CDH4: variants seen among roughly 807,000 people sequenced by gnomAD.
CDH4 encodes cadherin 4, also known as cadherin-4.
CDH4 carries 33 observed loss-of-function variants against 86.0 expected under a neutral mutation model. The ratio of observed to expected loss-of-function variants is 0.38; its 90% CI spans 0.29 to 0.51. The LOEUF (loss-of-function observed/expected upper bound fraction) is 0.51, where lower values mean the gene tolerates loss of function less well. Among genes scored for constraint, CDH4 ranks in the 20% least tolerant of loss-of-function variants. The probability of loss-of-function intolerance (pLI) is 0.86; values close to 1 mark genes in which losing one functional copy is unlikely to be tolerated. For missense variants in CDH4, 1,114 were observed against 1,307.4 expected (o/e 0.85, Z 2.28); for synonymous variants, 555 against 549.4 (o/e 1.01, Z -0.14).
At chr20:61,443,582 C>T (rs1197342193) in intron 2 of CDH4, among the ~76,000 whole-genome samples, 2 of 152,208 alleles carry the variant, frequency 1.3e-5, no homozygotes, top group Non-Finnish European at 2.9e-5. Context: ...AGTCGGAACA[C>T]GACAGCCCTT....
At chr20:61,256,413 A>T (rs898371682) in intron 2 of CDH4, among the ~76,000 whole-genome samples, 26 of 152,234 alleles carry the variant, frequency 1.7e-4, no homozygotes, top group African/African-American at 6.3e-4. Flanking sequence ...ACAGAAGAGA[A>T]TGACAAATTC....
At position 61,710,416 on chromosome 20, in the gene CDH4, C is replaced by T. The variant is rs1432890266; in HGVS notation, c.170-33147C>T. 2.0e-5 allele frequency among the ~76,000 whole-genome samples: 3 copies of T among 152,248 alleles called. 1 individual carries two copies. The highest frequency in any genetic ancestry group is 4.1e-4 in the South Asian group (2 of 4,838). On this transcript the variant is annotated intron_variant, in intron 2 of 15. Transcript: ENST00000614565. ...GGAACTCCCAAGCTGCCAAGCCTCC[C>T]AGCCTCTATCTGTGTGCAGGCCCTG... is the stretch of plus-strand genomic sequence containing the variant.
intron 2 of CDH4, among the ~76,000 whole-genome samples, chr20:61,523,293 G>A (rs1405340801): frequency 9.2e-5 from 14 of 152,342 alleles, no homozygotes; most frequent in Admixed American, 6.5e-4. Context: ...GTGGAGCTGC[G>A]GCACTGCCAG....
At chr20:61,547,838 C>T (rs986291472) in intron 2 of CDH4, among the ~76,000 whole-genome samples, 3 of 152,250 alleles carry the variant, frequency 2.0e-5, no homozygotes, top group Non-Finnish European at 4.4e-5. Flanking sequence ...CATACACGCA[C>T]ATATGTGTAA....
chr20:61,909,565 G>A (rs1267058134), intron 8 of CDH4, among the ~76,000 whole-genome samples: 1 of 152,124 alleles, frequency 6.6e-6, no homozygotes, highest in Non-Finnish European at 1.5e-5. Context: ...CCTCTTCCGG[G>A]TTCTGCTGGC....
At chr20:61,628,469 C>G (rs2086853026) in intron 2 of CDH4, among the ~76,000 whole-genome samples, 1 of 152,336 alleles carries the variant, frequency 6.6e-6, no homozygotes, top group South Asian at 2.1e-4. Context: ...GCTTGCCCTT[C>G]TAAGCCTGGC....
chr20:61,312,718 G>T (rs1475709308), intron 2 of CDH4, among the ~76,000 whole-genome samples: 1 of 152,134 alleles, frequency 6.6e-6, no homozygotes, highest in Non-Finnish European at 1.5e-5. Context: ...GCTACTCCAT[G>T]TCCGAGGATG....
intron 2 of CDH4, among the ~76,000 whole-genome samples, chr20:61,706,323 T>C (rs1656089060): frequency 6.6e-6 from 1 of 151,850 alleles, no homozygotes; most frequent in Non-Finnish European, 1.5e-5. Context: ...CCGGGGGGGA[T>C]GAGAGACCGG....
At chr20:61,733,978 C>T (rs921822005) in intron 2 of CDH4, among the ~76,000 whole-genome samples, 2 of 152,252 alleles carry the variant, frequency 1.3e-5, no homozygotes, top group Non-Finnish European at 2.9e-5. Context: ...GCAGAGGAAG[C>T]GGAGCGCATG....
chr20:61,583,318 A>G (rs1600780895), intron 2 of CDH4, among the ~76,000 whole-genome samples: 1 of 131,358 alleles, frequency 7.6e-6, no homozygotes, highest in Non-Finnish European at 1.6e-5. Flanking sequence ...CTGTGGGGGG[A>G]CAGAGGGCTG....
At chr20:61,319,314 T>C (rs1246553678) in intron 2 of CDH4, among the ~76,000 whole-genome samples, 22 of 152,090 alleles carry the variant, frequency 1.4e-4, no homozygotes, top group Non-Finnish European at 1.5e-5. Context: ...CTGGGATTGC[T>C]AACATTTCCC....
rs5842362 is a variant in CDH4, at chr20:61,709,590, A to ATTTTT, written c.170-33964_170-33960dup. Among the ~76,000 whole-genome samples the ATTTTT allele has an allele frequency of 6.7e-6, 1 of 148,170 alleles. No individual in the cohort carries two copies. Among genetic ancestry groups the ATTTTT allele is most frequent in the East Asian group, 2.0e-4 (1 of 5,038 alleles). Reference sequence around the variant, plus strand: ...TGTGCCTGGCAATTTTTGAATGACAATTTTTTTTTTTTTATCGCTGGCTAA... The same window carrying ATTTTT: ...TGTGCCTGGCAATTTTTGAATGACAATTTTTTTTTTTTTTTTTTATCGCTGGCTAA... On this transcript the variant is annotated intron_variant, in intron 2 of 15. Coordinates refer to ENST00000614565, the MANE Select transcript of CDH4 (RefSeq NM_001794.5). This position sits in a 1 kb window ranked among gnomAD's most constrained non-coding sequence, Gnocchi z 4.8.
At chr20:61,486,397 G>A (rs1036602440) in intron 2 of CDH4, among the ~76,000 whole-genome samples, 2 of 152,204 alleles carry the variant, frequency 1.3e-5, no homozygotes, top group Non-Finnish European at 2.9e-5. Flanking sequence ...CTGTGTCCCC[G>A]TGGGGCCCTA....
Position 61,936,991 on chromosome 20 carries a change from G to C in CDH4, c.*48G>C. 1 of 1,503,460 alleles carries C rather than the reference G, an allele frequency of 6.7e-7. No individual in the cohort carries two copies. The allele number at this position is 1,503,460 out of a possible 1,614,324, so 93.1% of individuals were successfully genotyped here. On this transcript the variant is annotated 3_prime_UTR_variant, in exon 16 of 16. Transcript: ENST00000614565. ...AAGTGAGAGCCGTGCTCGGACGCCG[G>C]AGGAGCAGGACTGAGCAGAGGCGGC...
chr20:61,502,103 G>A (rs2085706398), intron 2 of CDH4, among the ~76,000 whole-genome samples: 1 of 152,058 alleles, frequency 6.6e-6, no homozygotes, highest in Non-Finnish European at 1.5e-5. Context: ...GGGGTGGGAT[G>A]AGATAGCTAA....
intron 6 of CDH4, among the ~76,000 whole-genome samples, chr20:61,858,379 A>ATGTGTATC (rs1433302654): frequency 8.7e-5 from 8 of 91,646 alleles, no homozygotes; most frequent in African/African-American, 3.6e-4. Context: ...CTGTGTCTGT[A>ATGTGTATC]TGTGTATCTG....
Position 61,811,336 on chromosome 20 carries a change from G to A in CDH4, c.577-33332G>A, listed in dbSNP as rs1980424917. ...GACCGCCCTCATCGGGGGTGGGAAT[G>A]AAATGCCCCTTCCCGGCTTACACAG... On this transcript the variant is annotated intron_variant, in intron 4 of 15. Coordinates refer to ENST00000614565, the MANE Select transcript of CDH4 (RefSeq NM_001794.5). This position sits in a 1 kb window ranked among gnomAD's most constrained non-coding sequence, Gnocchi z 4.4. Among the ~76,000 whole-genome samples, 4 of 152,320 alleles carry A rather than the reference G, an allele frequency of 2.6e-5. No individual in the cohort carries two copies. The South Asian group carries it at 8.3e-4, about 32-fold the overall frequency.
At position 61,923,579 on chromosome 20, in the gene CDH4, C is replaced by T; in HGVS notation, c.1503C>T (p.Ile501=). The T allele has an allele frequency of 1.2e-6, 2 of 1,614,198 alleles. No individual in the cohort carries two copies. Among genetic ancestry groups the T allele is most frequent in the Non-Finnish European group, 1.7e-6 (2 of 1,180,036 alleles). The part of the protein sequence containing the change: ...TAGVTISIMD[I]NEAPYFPSNH... Reference sequence around the variant, plus strand: ...GGGTGACCATCTCCATCATGGACATCAACGAGGCTCCCTACTTCCCCTCAA... The same window carrying T: ...GGGTGACCATCTCCATCATGGACATTAACGAGGCTCCCTACTTCCCCTCAA... Residue 501 remains isoleucine (I), a synonymous_variant, in exon 10 of 16, where the codon ATC becomes ATT. Transcript: ENST00000614565.
intron 2 of CDH4, among the ~76,000 whole-genome samples, chr20:61,424,183 GCA>G (rs1180724875): frequency 6.9e-6 from 1 of 144,438 alleles, no homozygotes; most frequent in Non-Finnish European, 1.5e-5. Context: ...TCCACACATA[GCA>G]CACATGTATC....
Sources: allele counts gnomAD v4.1 joint callset (sites outside exome capture counted in the v4.1 genomes callset), GRCh38; gene constraint gnomAD v4.1.1; non-coding constraint Gnocchi (gnomAD v3.1); transcripts MANE v1.5; gene names NCBI Gene and HGNC (gene_info 2026-07-23, HGNC 2026-07-21).